EXOC3L4: variants seen among roughly 807,000 people sequenced by gnomAD.
EXOC3L4 encodes the protein exocyst complex component 3-like protein 4.
In EXOC3L4, 62 loss-of-function variants were observed where a neutral mutation model predicts 69.7. The observed-to-expected ratio is 0.89, with a 90% CI of 0.72 to 1.10. EXOC3L4 has a LOEUF of 1.10. EXOC3L4 is among the 50% of genes least tolerant of loss of function. The pLI is 0.00. For synonymous variants in EXOC3L4, 502 were observed against 464.2 expected (o/e 1.08, Z -1.05); for missense variants, 1,087 against 1,034.8 (o/e 1.05, Z -0.69).
intron 1 of EXOC3L4, among the ~76,000 whole-genome samples, chr14:103,096,987 G>A (rs960427874): frequency 2.6e-5 from 4 of 152,236 alleles, no homozygotes; most frequent in Non-Finnish European, 4.4e-5. Flanking sequence ...CCTTTGGAGC[G>A]TTGAGGAGTG....
At chr14:103,100,660 A>C in intron 2 of EXOC3L4, 47 bp downstream of exon 2, 1 of 1,542,908 alleles carries the variant, frequency 6.5e-7, no homozygotes. Flanking sequence ...AACGGGCCAG[A>C]GGTCAGGGCA....
In EXOC3L4 at chr14:103,110,311, C is replaced by T; in HGVS notation, c.*88C>T. 7.0e-7 allele frequency: 1 copy of T among 1,418,594 alleles called. No homozygotes were observed. Among genetic ancestry groups the T allele is most frequent in the Non-Finnish European group, 9.6e-7 (1 of 1,044,640 alleles). The allele number at this position is 1,418,594 out of a possible 1,614,324, so 87.9% of individuals were successfully genotyped here. A position where few individuals can be genotyped will look rare whatever the true frequency, so the allele number is the denominator to read the frequency against. On this transcript the variant is annotated 3_prime_UTR_variant, in exon 12 of 12. Coordinates refer to ENST00000688303, the MANE Select transcript of EXOC3L4 (RefSeq NM_001077594.2). ...AGGAGCCCAGGGAGTCACTCTGGGC[C>T]CTGCCCCCAACTCTGACACTGCAGT...
chr14:103,108,840 G>A (rs1162716428), intron 11 of EXOC3L4, among the ~76,000 whole-genome samples: 3 of 152,156 alleles, frequency 2.0e-5, no homozygotes, highest in Admixed American at 2.0e-4. Flanking sequence ...CTGGTCAGGA[G>A]GAAGGAGGTT....
In EXOC3L4 at chr14:103,104,986, C is replaced by T. The variant is rs1890453680; in HGVS notation, c.1386-6C>T. The T allele has an allele frequency of 5.0e-6, 8 of 1,611,798 alleles. No individual in the cohort carries two copies. The highest frequency in any genetic ancestry group is 1.1e-5 in the South Asian group (1 of 90,896). On this transcript the variant is annotated splice_region_variant and splice_polypyrimidine_tract_variant and intron_variant, in intron 6 of 11. Coordinates refer to ENST00000688303, the MANE Select transcript of EXOC3L4 (RefSeq NM_001077594.2). ...GTCCCCAAAGGCTCTGTGTATCCCG[C>T]CCCAGGTTTGAAAAGGCTTTTCTGG...
intron 1 of EXOC3L4, chr14:103,098,958 G>T (rs1050288943): frequency 6.6e-6 from 1 of 152,234 alleles, no homozygotes; most frequent in Non-Finnish European, 1.5e-5. Flanking sequence ...CACCTTGCTG[G>T]AGGGCGAGGG....
chr14:103,097,045 G>A lies in EXOC3L4; in HGVS notation c.-17+2205G>A, dbSNP rs1889923949. Among the ~76,000 whole-genome samples, 1 of 151,682 alleles carries A rather than the reference G, an allele frequency of 6.6e-6. No homozygotes were observed. Among genetic ancestry groups the A allele is most frequent in the South Asian group, 2.1e-4 (1 of 4,812 alleles). ...TAGTTGGGGAGGCTGGGGAGTGGGT[G>A]AGCACTGCAGAGTGATTGGGAGGAT... is the stretch of plus-strand genomic sequence containing the variant. On this transcript the variant is annotated intron_variant, in intron 1 of 11. Coordinates refer to ENST00000688303, the MANE Select transcript of EXOC3L4 (RefSeq NM_001077594.2). The surrounding 1 kb of genome is among the most constrained non-coding windows in gnomAD (Gnocchi z 4.9).
In EXOC3L4 at chr14:103,104,017, G is replaced by T. The variant is rs117708804; in HGVS notation, c.1126G>T (p.Ala376Ser). ...TCCGCTCCTGGCGCCGGACGTGTGG[G>T]CCCGACTGGAGAGCGACTACACCAG... ...LPPLLAPDVW[A>S]RLESDYTSFL... The change falls in exon 4 of 12, where the codon GCC (alanine) becomes TCC (serine). Residue 376 changes from alanine to serine, a missense_variant. Coordinates refer to ENST00000688303, the MANE Select transcript of EXOC3L4 (RefSeq NM_001077594.2). The T allele has an allele frequency of 0.022, 35,379 of 1,577,646 alleles. 2,053 individuals carry two copies. In the East Asian group the frequency reaches 0.23, roughly 10 times the overall value.
intron 1 of EXOC3L4, chr14:103,098,958 G>A (rs1050288943): frequency 7.2e-5 from 11 of 152,116 alleles, no homozygotes; most frequent in Non-Finnish European, 1.6e-4. Context: ...CACCTTGCTG[G>A]AGGGCGAGGG....
intron 1 of EXOC3L4, among the ~76,000 whole-genome samples, chr14:103,096,401 C>CTTTTTTTTTTTTTTTTT (rs56362121): frequency 7.6e-6 from 1 of 131,912 alleles, no homozygotes; most frequent in Non-Finnish European, 1.6e-5. Context: ...TGGCAAGATT[C>CTTTTTTTTTTTTTTTTT]TTTTTTTTTT....
chr14:103,098,460 G>A (rs1464157652), intron 1 of EXOC3L4, among the ~76,000 whole-genome samples: 1 of 152,148 alleles, frequency 6.6e-6, no homozygotes, highest in Non-Finnish European at 1.5e-5. Flanking sequence ...TGTGAAATGG[G>A]CAAATGACAA....
intron 1 of EXOC3L4, among the ~76,000 whole-genome samples, chr14:103,095,303 C>T (rs1889842308): frequency 6.6e-6 from 1 of 152,266 alleles, no homozygotes; most frequent in African/African-American, 2.4e-5. Context: ...GTCAGGCTCA[C>T]TCCCTGCCTT....
intron 4 of EXOC3L4, 40 bp from the exon 5 acceptor site, chr14:103,104,227 C>T: frequency 6.6e-7 from 1 of 1,526,486 alleles, no homozygotes; most frequent in African/African-American, 1.4e-5. Context: ...GGGACGGGGT[C>T]TGGGAGGGTC....
rs1279665409 is a variant in EXOC3L4, at chr14:103,104,330, G to A, written c.1225G>A (p.Glu409Lys). The stretch of plus-strand genomic sequence containing the variant: ...GGAGCAGAGTCACTGGGCGGCCGCC[G>A]AGGTCCCCGAGGTGCTGCAGGGCCT... ...QLEQSHWAAA[E>K]VPEVLQGLYQ... is the part of the protein sequence containing the mutation. Residue 409 changes from glutamate to lysine, a missense_variant, in exon 5 of 12, where the codon GAG (glutamate) becomes AAG (lysine). Coordinates refer to ENST00000688303, the MANE Select transcript of EXOC3L4 (RefSeq NM_001077594.2). 6.3e-7 allele frequency: 1 copy of A among 1,591,168 alleles called. No homozygotes were observed. The highest frequency in any genetic ancestry group is 1.1e-5 in the South Asian group (1 of 87,466).
intron 2 of EXOC3L4, among the ~76,000 whole-genome samples, chr14:103,101,855 A>T (rs1377860029): frequency 6.6e-6 from 1 of 152,246 alleles, no homozygotes; most frequent in Non-Finnish European, 1.5e-5. Flanking sequence ...TGTGGGATCC[A>T]GGCGGAAGGT....
At chr14:103,104,615 C>A in intron 5 of EXOC3L4, 123 bp from the exon 6 acceptor site, 1 of 1,234,506 alleles carries the variant, frequency 8.1e-7, no homozygotes, top group East Asian at 2.9e-5. Context: ...CGGCTGAAAG[C>A]TGGAGGGGCC....
At position 103,100,561 on chromosome 14, in the gene EXOC3L4, C is replaced by T. The variant is rs770303383; in HGVS notation, c.342C>T (p.Val114=). 2 of 1,610,766 alleles carry T rather than the reference C, an allele frequency of 1.2e-6. No homozygotes were observed. The highest frequency in any genetic ancestry group is 3.3e-5 in the Admixed American group (2 of 59,838). Residue 114 remains valine (V), a synonymous_variant, in exon 2 of 12, where the codon GTC becomes GTT. Transcript: ENST00000688303. ...PEVPSGVMNG[V]SQQASTGAAS... ...TGCCCTCGGGGGTCATGAATGGTGT[C>T]AGCCAGCAGGCATCCACTGGGGCAG...
Position 103,104,295 on chromosome 14 carries a change from T to C in EXOC3L4, c.1190T>C (p.Ile397Thr). The C allele has an allele frequency of 6.3e-7, 1 of 1,596,704 alleles. No homozygotes were observed. Among genetic ancestry groups the C allele is most frequent in the Non-Finnish European group, 8.5e-7 (1 of 1,173,450 alleles). Residue 397 changes from isoleucine (I) to threonine (T), a missense_variant, in exon 5 of 12, where the codon ATC becomes ACC. Transcript: ENST00000688303. ...AAGATCGCAAGCTGCTTCGACAGCA[T>C]CTTGCAGCTGGAGCAGAGTCACTGG... ...EAKIASCFDS[I>T]LQLEQSHWAA...
chr14:103,099,504 C>T (rs1333291804), intron 1 of EXOC3L4, among the ~76,000 whole-genome samples: 3 of 152,168 alleles, frequency 2.0e-5, no homozygotes, highest in Admixed American at 1.3e-4. Flanking sequence ...TTGAGAACCC[C>T]CCCAGTCCCT....
Position 103,107,766 on chromosome 14 carries a change from G to C in EXOC3L4, c.1837G>C (p.Asp613His). 1 of 1,532,482 alleles carries C rather than the reference G, an allele frequency of 6.5e-7. No homozygotes were observed. Among genetic ancestry groups the C allele is most frequent in the Non-Finnish European group, 8.8e-7 (1 of 1,134,090 alleles). The allele number at this position is 1,532,482 out of a possible 1,614,324, so 94.9% of individuals were successfully genotyped here. The change falls in exon 10 of 12, where the codon GAC becomes CAC. Residue 613 changes from aspartate (D) to histidine (H), a missense_variant. By Grantham distance (81) the Asp-to-His change is moderately conservative. Transcript: ENST00000688303. ...GAGCCTGGATGCCCAGGCCATCAGC[G>C]ACACCTTCCAGGGCCTGGTAGGGGC... is the stretch of plus-strand genomic sequence containing the variant. ...KMSLDAQAIS[D>H]TFQGLGSEAT...
Sources: gnomAD v4.1 joint callset for allele counts (sites outside exome capture counted in the v4.1 genomes callset) on GRCh38, gnomAD v4.1.1 for gene constraint, Gnocchi (gnomAD v3.1) non-coding constraint, MANE v1.5 for transcripts, NCBI Gene and HGNC (gene_info 2026-07-23, HGNC 2026-07-21) for gene names.